GNB5: variants seen among roughly 807,000 people sequenced by gnomAD.
The protein encoded by GNB5 is G protein subunit beta 5.
A neutral mutation model predicts 55.3 loss-of-function variants in GNB5; 37 were observed. That is an observed-to-expected ratio of 0.67 (90% CI 0.51 to 0.88). The LOEUF (loss-of-function observed/expected upper bound fraction) is 0.88. GNB5 is among the 40% of genes least tolerant of loss of function. The pLI is 0.00. For missense variants in GNB5, 476 were observed against 515.3 expected (o/e 0.92, Z 0.74); for synonymous variants, 219 against 198.5 (o/e 1.10, Z -0.87).
At chr15:52,127,872 G>A (rs982700822) in intron 10 of GNB5, among the ~76,000 whole-genome samples, 5 of 150,554 alleles carry the variant, frequency 3.3e-5, no homozygotes, top group East Asian at 1.9e-4. Context: ...CGAATGTCAC[G>A]TTCATAACAT....
intron 3 of GNB5, among the ~76,000 whole-genome samples, chr15:52,177,805 G>A (rs902807882): frequency 2.0e-5 from 3 of 152,202 alleles, no homozygotes; most frequent in Non-Finnish European, 4.4e-5. Flanking sequence ...TCTGGAAGCT[G>A]CAGGGGAATC....
chr15:52,187,703 C>T (rs2034864981), intron 1 of GNB5, among the ~76,000 whole-genome samples: 1 of 152,174 alleles, frequency 6.6e-6, no homozygotes, highest in Non-Finnish European at 1.5e-5. Flanking sequence ...AATCCCAGCA[C>T]TTTGGGAGGC....
chr15:52,153,878 T>G, intron 4 of GNB5, 62 bp downstream of exon 4: 8 of 1,432,632 alleles, frequency 5.6e-6, no homozygotes, highest in African/African-American at 1.4e-5. Context: ...GGGACAGCTC[T>G]CCTCCCCCTT....
intron 3 of GNB5, among the ~76,000 whole-genome samples, chr15:52,162,286 T>C (rs1161808087): frequency 1.3e-5 from 2 of 152,238 alleles, no homozygotes; most frequent in Non-Finnish European, 2.9e-5. Flanking sequence ...CGATGTGGCT[T>C]ACTCTCAACT....
At chr15:52,166,465 G>T (rs1436316058) in intron 3 of GNB5, among the ~76,000 whole-genome samples, 4 of 152,090 alleles carry the variant, frequency 2.6e-5, no homozygotes, top group Admixed American at 6.5e-5. Context: ...AAATGCAAAA[G>T]AACTGAAATC....
chr15:52,183,489 A>G (rs2034803454), intron 2 of GNB5, among the ~76,000 whole-genome samples: 1 of 152,206 alleles, frequency 6.6e-6, no homozygotes, highest in South Asian at 2.1e-4. Flanking sequence ...CCAAATTGCT[A>G]TGCTGTATCA....
chr15:52,167,032 G>A (rs911154022), intron 3 of GNB5, among the ~76,000 whole-genome samples: 1 of 152,160 alleles, frequency 6.6e-6, no homozygotes, highest in African/African-American at 2.4e-5. Flanking sequence ...ACAACCATCA[G>A]AGAATACTAC....
chr15:52,176,579 C>G (rs996605391), intron 3 of GNB5, among the ~76,000 whole-genome samples: 1 of 152,166 alleles, frequency 6.6e-6, no homozygotes, highest in East Asian at 1.9e-4. Context: ...ACTATGGGAC[C>G]AAGACAAGCT....
At chr15:52,163,022 C>G (rs771025742) in intron 3 of GNB5, among the ~76,000 whole-genome samples, 10 of 152,094 alleles carry the variant, frequency 6.6e-5, no homozygotes, top group African/African-American at 9.7e-5. Context: ...GTCGGGGCGA[C>G]TCACAGAGAG....
chr15:52,179,917 CG>C, intron 2 of GNB5, 38 bp from the exon 3 acceptor site: 1 of 1,480,768 alleles, frequency 6.8e-7, no homozygotes, highest in East Asian at 3.0e-5. Context: ...AAGCGGAGAG[CG>C]GGAATGCGCT....
intron 3 of GNB5, among the ~76,000 whole-genome samples, chr15:52,159,379 G>A (rs867665642): frequency 1.3e-5 from 2 of 152,102 alleles, no homozygotes; most frequent in East Asian, 3.9e-4. Flanking sequence ...CCTCTCCAGC[G>A]GACACACCAT....
intron 3 of GNB5, among the ~76,000 whole-genome samples, chr15:52,158,531 T>G (rs2034263789): frequency 6.6e-6 from 1 of 151,954 alleles, no homozygotes; most frequent in South Asian, 2.1e-4. Flanking sequence ...TAATCCATCA[T>G]CCCTACTTCA....
chr15:52,177,776 C>T (rs1408742778), intron 3 of GNB5, among the ~76,000 whole-genome samples: 1 of 151,938 alleles, frequency 6.6e-6, no homozygotes, highest in Admixed American at 6.6e-5. Flanking sequence ...AGGCTTTATG[C>T]GGGGTAGAAG....
At chr15:52,132,784 C>T (rs926944899) in intron 9 of GNB5, among the ~76,000 whole-genome samples, 1 of 151,906 alleles carries the variant, frequency 6.6e-6, no homozygotes, top group Non-Finnish European at 1.5e-5. Context: ...CACCCCTACC[C>T]CTCCCAACTC....
chr15:52,162,038 CA>C (rs1418051517), intron 3 of GNB5, among the ~76,000 whole-genome samples: 1 of 152,106 alleles, frequency 6.6e-6, no homozygotes, highest in East Asian at 1.9e-4. Context: ...CCCTAAGTTC[CA>C]AATATCACAT....
intron 3 of GNB5, among the ~76,000 whole-genome samples, chr15:52,164,307 T>TG (rs2034404475): frequency 2.9e-5 from 1 of 35,072 alleles, no homozygotes; most frequent in African/African-American, 1.6e-4. Context: ...AGACTCTGTC[T>TG]TAAAAAAAAA....
chr15:52,135,609 T>C lies in GNB5; in HGVS notation c.771+4A>G. 6.2e-7 allele frequency: 1 copy of C among 1,613,310 alleles called. No individual in the cohort carries two copies. Among genetic ancestry groups the C allele is most frequent in the Non-Finnish European group, 8.5e-7 (1 of 1,179,496 alleles). ...GCCCTAGGGAATTTCCACTGGGTCT[T>C]TACCCCAGACACGAAGGTGTTTCCA... On this transcript the variant is annotated splice_donor_region_variant and intron_variant, in intron 8 of 12. Transcript: ENST00000261837.
intron 6 of GNB5, 104 bp from the exon 7 acceptor site, chr15:52,141,376 T>A (rs1475314615): frequency 1.1e-6 from 1 of 905,446 alleles, no homozygotes; most frequent in Non-Finnish European, 1.7e-6. Context: ...TTTAGCAGTA[T>A]CATATATTGT....
intron 2 of GNB5, 33 bp from the exon 3 acceptor site, chr15:52,179,912 GA>G (rs1566950734): frequency 6.7e-7 from 1 of 1,492,728 alleles, no homozygotes; most frequent in Non-Finnish European, 8.9e-7. Context: ...GAGGGAAGCG[GA>G]GAGCGGGAAT....
Sources: gnomAD v4.1 joint callset for allele counts (sites outside exome capture counted in the v4.1 genomes callset) on GRCh38, gnomAD v4.1.1 for gene constraint, MANE v1.5 for transcripts, NCBI Gene and HGNC (gene_info 2026-07-23, HGNC 2026-07-21) for gene names.